The following CADM2 variants were observed in gnomAD, a reference collection of about 807,000 sequenced individuals.
CADM2 encodes the protein immunoglobulin superfamily member 4D.
In CADM2, 12 loss-of-function variants were observed where a neutral mutation model predicts 49.8. That is an observed-to-expected ratio of 0.24 (90% CI 0.15 to 0.39). CADM2 has a LOEUF of 0.39. CADM2 is among the 10% of genes least tolerant of loss of function. CADM2 has a pLI of 1.00. For missense variants in CADM2, 378 were observed against 492.3 expected (o/e 0.77, Z 2.20); for synonymous variants, 214 against 175.4 (o/e 1.22, Z -1.74).
At chr3:85,528,901 T>C (rs2061233439) in intron 1 of CADM2, among the ~76,000 whole-genome samples, 1 of 152,184 alleles carries the variant, frequency 6.6e-6, no homozygotes, top group Non-Finnish European at 1.5e-5. Context: ...ATAAATAATA[T>C]TTACTTTCCA....
intron 1 of CADM2, among the ~76,000 whole-genome samples, chr3:85,128,586 A>G (rs77397145): frequency 0.1 from 15,785 of 152,130 alleles, 1,751 homozygotes; most frequent in African/African-American, 0.28. Flanking sequence ...CCTCATGACA[A>G]GTCAGAAGGT....
At chr3:85,948,959 G>C (rs886683364) in intron 7 of CADM2, among the ~76,000 whole-genome samples, 1 of 151,252 alleles carries the variant, frequency 6.6e-6, no homozygotes, top group East Asian at 2.0e-4. Context: ...TGATAACGTG[G>C]GGCCAGGAGA....
chr3:85,445,889 G>A (rs1318747105), intron 1 of CADM2, among the ~76,000 whole-genome samples: 5 of 152,050 alleles, frequency 3.3e-5, no homozygotes, highest in African/African-American at 1.2e-4. Context: ...ACTGTTACAT[G>A]CAATATACTA....
intron 1 of CADM2, among the ~76,000 whole-genome samples, chr3:85,045,882 A>C (rs902418078): frequency 6.6e-6 from 1 of 152,078 alleles, no homozygotes. Flanking sequence ...ATTCTCTTTT[A>C]TATTTTTCAT....
At chr3:86,046,292 A>T (rs556251189) in intron 8 of CADM2, among the ~76,000 whole-genome samples, 1 of 152,108 alleles carries the variant, frequency 6.6e-6, no homozygotes, top group Non-Finnish European at 1.5e-5. Context: ...GAAGTATTTT[A>T]ATTGTAATCA....
At chr3:85,119,751 T>G (rs2038785945) in intron 1 of CADM2, among the ~76,000 whole-genome samples, 1 of 152,216 alleles carries the variant, frequency 6.6e-6, no homozygotes, top group African/African-American at 2.4e-5. Flanking sequence ...TGTTTTATTC[T>G]CTTTGAAGCA....
At chr3:85,621,873 A>T (rs546328684) in intron 1 of CADM2, among the ~76,000 whole-genome samples, 1 of 152,214 alleles carries the variant, frequency 6.6e-6, no homozygotes. Context: ...CGTTTTGTAG[A>T]TGACAAGGTG....
chr3:85,533,750 C>G (rs1427227503), intron 1 of CADM2, among the ~76,000 whole-genome samples: 1 of 152,136 alleles, frequency 6.6e-6, no homozygotes, highest in Non-Finnish European at 1.5e-5. Flanking sequence ...AGCTTAGAGA[C>G]AGAACAGGAA....
intron 1 of CADM2, among the ~76,000 whole-genome samples, chr3:85,225,428 TTC>T (rs1407527885): frequency 2.6e-5 from 4 of 152,200 alleles, no homozygotes; most frequent in Non-Finnish European, 5.9e-5. Flanking sequence ...ATAGGAATGC[TTC>T]TGATTTTTGC....
chr3:85,309,574 A>G (rs961753272), intron 1 of CADM2, among the ~76,000 whole-genome samples: 1 of 152,118 alleles, frequency 6.6e-6, no homozygotes, highest in Admixed American at 6.6e-5. Flanking sequence ...ATTAGCTATT[A>G]TTTTTTCATT....
intron 1 of CADM2, among the ~76,000 whole-genome samples, chr3:85,559,605 A>T (rs933318189): frequency 6.6e-6 from 1 of 152,198 alleles, no homozygotes; most frequent in East Asian, 1.9e-4. Context: ...AGAAACACAT[A>T]TACAACTTTT....
chr3:86,003,019 C>T (rs57522321), intron 8 of CADM2, among the ~76,000 whole-genome samples: 4,289 of 152,202 alleles, frequency 0.028, 112 homozygotes, highest in African/African-American at 0.063. Context: ...AAAGGAAATT[C>T]CCCTTCCTCT....
intron 1 of CADM2, among the ~76,000 whole-genome samples, chr3:85,284,214 A>T (rs929537128): frequency 6.6e-6 from 1 of 152,070 alleles, no homozygotes; most frequent in Non-Finnish European, 1.5e-5. Context: ...TAGCTCTAAG[A>T]GTTTGAGGAT....
rs994141215 is a variant in CADM2, at chr3:85,555,914, G to C, written c.62-170608G>C. On this transcript the variant is annotated intron_variant, in intron 1 of 9. Transcript: ENST00000383699. ...TTTAAATGTATTTAACTAAAACCTA[G>C]AGTGAGTCATGGAATGTGACTAACA... Among the ~76,000 whole-genome samples, 4 of 151,982 alleles carry C rather than the reference G, an allele frequency of 2.6e-5. No homozygotes were observed. The East Asian group carries it at 7.7e-4, about 29-fold the overall frequency.
At chr3:86,014,945 T>C in intron 8 of CADM2, 3 of 1,459,574 alleles carry the variant, frequency 2.1e-6, no homozygotes, top group South Asian at 2.3e-5. Flanking sequence ...GACGAAAGCG[T>C]CTTAAAGCAT....
intron 1 of CADM2, among the ~76,000 whole-genome samples, chr3:85,120,509 G>A (rs2038819221): frequency 6.6e-6 from 1 of 152,110 alleles, no homozygotes; most frequent in South Asian, 2.1e-4. Flanking sequence ...AAAAAAGAAT[G>A]AGTTCATGTT....
At chr3:85,736,216 T>C (rs943873285) in intron 2 of CADM2, among the ~76,000 whole-genome samples, 9 of 152,172 alleles carry the variant, frequency 5.9e-5, no homozygotes, top group African/African-American at 2.2e-4. Context: ...ATGCTCTTCA[T>C]AAGTCAAGAT....
chr3:86,057,111 G>A (rs1738086472), intron 8 of CADM2, among the ~76,000 whole-genome samples: 1 of 151,974 alleles, frequency 6.6e-6, no homozygotes, highest in Non-Finnish European at 1.5e-5. Context: ...AAGCGTTTTT[G>A]TCAGAAACAG....
chr3:85,008,798 C>A (rs573652825), intron 1 of CADM2, among the ~76,000 whole-genome samples: 3 of 151,902 alleles, frequency 2.0e-5, no homozygotes, highest in African/African-American at 7.3e-5. Flanking sequence ...TTTTAGTTAT[C>A]GTTTTTCTCA....
Sources: gnomAD v4.1 joint callset for allele counts (sites outside exome capture counted in the v4.1 genomes callset) on GRCh38, gnomAD v4.1.1 for gene constraint, MANE v1.5 for transcripts, NCBI Gene and HGNC (gene_info 2026-07-23, HGNC 2026-07-21) for gene names.